DCLK2: variants seen among roughly 807,000 people sequenced by gnomAD.
DCLK2 encodes the protein doublecortin like kinase 2.
DCLK2 carries 31 observed loss-of-function variants against 78.4 expected under a neutral mutation model. That is an observed-to-expected ratio of 0.40 (90% CI 0.30 to 0.53). The LOEUF is 0.53. DCLK2 is among the 20% of genes least tolerant of loss of function. DCLK2 has a pLI of 0.61. For synonymous variants in DCLK2, 407 were observed against 374.9 expected, an observed-to-expected ratio of 1.09 and a Z score of -0.99; for missense variants, 872 against 973.7, an observed-to-expected ratio of 0.90 and a Z score of 1.39.
chr4:150,219,864 G>C (rs1741043868), intron 5 of DCLK2, among the ~76,000 whole-genome samples: 1 of 152,222 alleles, frequency 6.6e-6, no homozygotes, highest in Non-Finnish European at 1.5e-5. Flanking sequence ...TAGGGGGACA[G>C]ATCATGGCCC....
intron 5 of DCLK2, among the ~76,000 whole-genome samples, chr4:150,212,441 G>A (rs934016802): frequency 6.6e-6 from 1 of 152,184 alleles, no homozygotes; most frequent in South Asian, 2.1e-4. Flanking sequence ...TTTCCCTGGA[G>A]CTTTGGCTTT....
At chr4:150,230,776 G>A (rs1479031685) in intron 8 of DCLK2, among the ~76,000 whole-genome samples, 2 of 152,202 alleles carry the variant, frequency 1.3e-5, no homozygotes, top group Non-Finnish European at 2.9e-5. Flanking sequence ...TCTGTCTGCT[G>A]CTCTGTAACT....
chr4:150,118,840 AC>A (rs1480385177), intron 2 of DCLK2, among the ~76,000 whole-genome samples: 3 of 152,112 alleles, frequency 2.0e-5, no homozygotes, highest in Non-Finnish European at 4.4e-5. Flanking sequence ...AGCCTGGCCA[AC>A]ATGGGAACAC....
chr4:150,157,512 TGTTTGTTTG>T (rs1296569458), intron 2 of DCLK2, among the ~76,000 whole-genome samples: 5 of 148,892 alleles, frequency 3.4e-5, no homozygotes, highest in Admixed American at 2.0e-4. Flanking sequence ...TTTGTTTGTT[TGTTTGTTTG>T]TTTGTTTTTG....
chr4:150,210,282 C>A (rs1197826045), intron 5 of DCLK2, among the ~76,000 whole-genome samples: 1 of 152,134 alleles, frequency 6.6e-6, no homozygotes, highest in Non-Finnish European at 1.5e-5. Flanking sequence ...TTACCGTAAA[C>A]CTTGGCATTT....
chr4:150,125,603 T>C (rs115090849), intron 2 of DCLK2, among the ~76,000 whole-genome samples: 2,384 of 152,306 alleles, frequency 0.016, 55 homozygotes, highest in African/African-American at 0.055. Flanking sequence ...TAGTTATGCA[T>C]GTGTGGCCAG....
Position 150,206,253 on chromosome 4 carries a change from A to G in DCLK2, c.1056+2364A>G, listed in dbSNP as rs866108241. On this transcript the variant is annotated intron_variant, in intron 5 of 15. Coordinates refer to ENST00000296550, the MANE Select transcript of DCLK2 (RefSeq NM_001040260.4). The stretch of plus-strand genomic sequence containing the variant: ...TAATGGAATTTTTAAAACCTAATAA[A>G]TTGTATTATTGCTGAGACATTAAGT... Among the ~76,000 whole-genome samples, 6 of 152,100 alleles carry G rather than the reference A, an allele frequency of 3.9e-5. 1 individual carries two copies. Among genetic ancestry groups the G allele is most frequent in the South Asian group, 2.1e-4 (1 of 4,814 alleles).
intron 2 of DCLK2, among the ~76,000 whole-genome samples, chr4:150,107,378 G>GGTTTTTTTTT (rs535824608): frequency 1.6e-5 from 2 of 125,180 alleles, no homozygotes; most frequent in Non-Finnish European, 1.6e-5. Flanking sequence ...TTTGGTTATT[G>GGTTTTTTTTT]TTTTTTTTTT....
chr4:150,225,992 CAT>C (rs1441887613), intron 8 of DCLK2, among the ~76,000 whole-genome samples: 3 of 152,112 alleles, frequency 2.0e-5, no homozygotes, highest in Non-Finnish European at 2.9e-5. Context: ...GAATTCAACA[CAT>C]GTTAACTGCT....
chr4:150,232,207 C>G, intron 8 of DCLK2, 130 bp from the exon 9 acceptor site: 1 of 1,186,814 alleles, frequency 8.4e-7, no homozygotes, highest in Non-Finnish European at 1.2e-6. Context: ...GTTTAGTTGT[C>G]TTTGTGCCAA....
chr4:150,195,355 TTATATATATTATATAATATTATATAA>T (rs1340546907), intron 3 of DCLK2, among the ~76,000 whole-genome samples: 416 of 9,012 alleles, frequency 0.046, 164 homozygotes, highest in African/African-American at 0.094. Context: ...ATATTATATA[TTATATATATTATATAATATTATATAA>T]TATATATATT....
At chr4:150,224,909 C>G (rs1447165248) in intron 8 of DCLK2, among the ~76,000 whole-genome samples, 2 of 152,144 alleles carry the variant, frequency 1.3e-5, no homozygotes, top group Non-Finnish European at 2.9e-5. Context: ...TACAGGCCAG[C>G]AGAACACAAG....
intron 1 of DCLK2, among the ~76,000 whole-genome samples, chr4:150,086,376 A>G (rs372305285): frequency 6.6e-6 from 1 of 152,192 alleles, no homozygotes; most frequent in Non-Finnish European, 1.5e-5. Context: ...ATTTTTTAAT[A>G]TATTTTTCTT....
chr4:150,202,947 C>A (rs911811513), intron 4 of DCLK2, among the ~76,000 whole-genome samples: 1 of 151,954 alleles, frequency 6.6e-6, no homozygotes, highest in African/African-American at 2.4e-5. Flanking sequence ...CAAACCTTTC[C>A]TAGGGGAGAG....
intron 2 of DCLK2, among the ~76,000 whole-genome samples, chr4:150,129,726 A>G (rs1438386741): frequency 6.6e-6 from 1 of 151,546 alleles, no homozygotes; most frequent in African/African-American, 2.4e-5. Context: ...CTCAAAAATA[A>G]TAATAATTTT....
At chr4:150,249,522 G>T in intron 14 of DCLK2, 46 bp from the exon 15 acceptor site, 1 of 1,547,808 alleles carries the variant, frequency 6.5e-7, no homozygotes, top group South Asian at 1.1e-5. Context: ...CAACTCAAAC[G>T]GGAGGATGGA....
At chr4:150,202,316 A>G (rs1410163055) in intron 4 of DCLK2, among the ~76,000 whole-genome samples, 3 of 152,228 alleles carry the variant, frequency 2.0e-5, no homozygotes, top group Non-Finnish European at 4.4e-5. Flanking sequence ...CTACACTTGT[A>G]TTCTAAGTAC....
intron 3 of DCLK2, among the ~76,000 whole-genome samples, chr4:150,195,612 T>G (rs13107340): frequency 0.88 from 125,053 of 142,350 alleles, 55,332 homozygotes; most frequent in Middle Eastern, 0.96. Flanking sequence ...TATGTTCTGG[T>G]TTATAAAGTT....
At chr4:150,200,633 C>T (rs1739382202) in intron 4 of DCLK2, among the ~76,000 whole-genome samples, 1 of 152,130 alleles carries the variant, frequency 6.6e-6, no homozygotes, top group Non-Finnish European at 1.5e-5. Context: ...TTAAAAATTC[C>T]ATGGGACTAA....
Sources: allele counts gnomAD v4.1 joint callset (sites outside exome capture counted in the v4.1 genomes callset), GRCh38; gene constraint gnomAD v4.1.1; transcripts MANE v1.5; gene names NCBI Gene and HGNC (gene_info 2026-07-23, HGNC 2026-07-21).